Variants in OGDHL observed in about 807,000 individuals in gnomAD.
OGDHL encodes the protein 2-oxoglutarate dehydrogenase-like, mitochondrial.
In OGDHL, 79 loss-of-function variants were observed where a neutral mutation model predicts 109.6. The observed-to-expected ratio is 0.72, with a 90% confidence interval of 0.60 to 0.87. The LOEUF (loss-of-function observed/expected upper bound fraction) is 0.87. Ranked by LOEUF, OGDHL falls within the 40% of genes least tolerant of loss-of-function variation. The pLI is 0.00. For missense variants in OGDHL, 1,275 were observed against 1,362.2 expected, an observed-to-expected ratio of 0.94 and a Z score of 1.01; for synonymous variants, 528 against 537.2, an observed-to-expected ratio of 0.98 and a Z score of 0.24.
chr10:49,759,364 C>A (rs1843125377), intron 1 of OGDHL, among the ~76,000 whole-genome samples: 1 of 152,034 alleles, frequency 6.6e-6, no homozygotes, highest in Non-Finnish European at 1.5e-5. Context: ...AGCTAACAGT[C>A]CAGGCAGGTA....
intron 14 of OGDHL, among the ~76,000 whole-genome samples, 196 bp from the exon 15 acceptor site, chr10:49,743,174 A>C (rs1841919567): frequency 6.6e-6 from 1 of 152,208 alleles, no homozygotes. Context: ...GAGCCTGTGG[A>C]GGGGTGGAGC....
rs760468646 is a variant in OGDHL at position 49,758,462 on chromosome 10, T to C, written c.131A>G (p.Lys44Arg). ...CATGTAACTGGAGCCGCCTCCACCTTTGCTGCTTGGGAAGGTGGCCGGTGG... is the reference window on the plus strand; with the variant it reads ...CATGTAACTGGAGCCGCCTCCACCTCTGCTGCTTGGGAAGGTGGCCGGTGG... ...SGPPATFPSS[K>R]GGGGSSYMEE... is the part of the protein sequence containing the mutation. The change falls in exon 2 of 23, where the codon AAA becomes AGA. Residue 44 changes from lysine (K) to arginine (R), a missense_variant. By Grantham distance (26) the Lys-to-Arg change is conservative. Coordinates refer to ENST00000374103, the MANE Select transcript of OGDHL (RefSeq NM_018245.3). The C allele has an allele frequency of 2.4e-5, 39 of 1,613,796 alleles. No individual in the cohort carries two copies. The highest frequency in any genetic ancestry group is 3.2e-5 in the Non-Finnish European group (38 of 1,180,016).
intron 17 of OGDHL, 101 bp downstream of exon 17, chr10:49,739,560 A>G (rs1422238840): frequency 1.4e-5 from 19 of 1,391,362 alleles, no homozygotes; most frequent in Non-Finnish European, 1.8e-5. Context: ...GGGGCCTGGA[A>G]GGCATATACC....
At chr10:49,749,994 G>A (rs1338509281) in intron 7 of OGDHL, among the ~76,000 whole-genome samples, 178 bp from the exon 8 acceptor site, 3 of 152,138 alleles carry the variant, frequency 2.0e-5, no homozygotes, top group Non-Finnish European at 4.4e-5. Context: ...GAGGCTTAAA[G>A]CCCCATGCTT....
At chr10:49,743,862 C>T (rs1841979733) in intron 14 of OGDHL, 132 bp downstream of exon 14, 1 of 1,143,618 alleles carries the variant, frequency 8.7e-7, no homozygotes, top group South Asian at 1.6e-5. Flanking sequence ...GTGCCGAGAG[C>T]TACGTGGACC....
intron 14 of OGDHL, 31 bp from the exon 15 acceptor site, chr10:49,743,009 A>G: frequency 6.2e-7 from 1 of 1,607,112 alleles, no homozygotes. Context: ...CCTGAGGGCC[A>G]AGGGACAGCC....
Position 49,751,964 on chromosome 10 carries a change from G to A in OGDHL, c.612C>T (p.His204=), listed in dbSNP as rs377540522. Residue 204 remains histidine (H), a synonymous_variant, in exon 6 of 23, where the codon CAC becomes CAT. Coordinates refer to ENST00000374103, the MANE Select transcript of OGDHL (RefSeq NM_018245.3). ...IRRLENTYCQ[H]IGLEFMFIND... ...TGATGAACATGAACTCCAGGCCAAT[G>A]TGCTGGCAGTAGGTGTTCTGGGGAG... 22 of 1,614,084 alleles carry A rather than the reference G, an allele frequency of 1.4e-5. No individual in the cohort carries two copies. The highest frequency in any genetic ancestry group is 1.8e-5 in the Non-Finnish European group (21 of 1,180,050).
intron 3 of OGDHL, 102 bp downstream of exon 3, chr10:49,756,674 T>C: frequency 1.7e-6 from 2 of 1,199,394 alleles, no homozygotes; most frequent in Non-Finnish European, 2.3e-6. Context: ...AGAAGGGCTC[T>C]CTGGGGAGAT....
At chr10:49,740,560 G>T in intron 16 of OGDHL, 150 bp downstream of exon 16, 1 of 970,604 alleles carries the variant, frequency 1.0e-6, no homozygotes, top group Non-Finnish European at 1.5e-6. Flanking sequence ...TTAGGTGAGG[G>T]CAGCCCAATC....
At chr10:49,757,350 G>A (rs1048151596) in intron 2 of OGDHL, among the ~76,000 whole-genome samples, 28 of 152,228 alleles carry the variant, frequency 1.8e-4, no homozygotes, top group Non-Finnish European at 2.9e-5. Flanking sequence ...ACAGGCATTT[G>A]CATGTGTTTT....
Position 49,747,058 on chromosome 10 carries a change from A to G in OGDHL, c.1138T>C (p.Phe380Leu). The change falls in exon 9 of 23, where the codon TTC (phenylalanine) becomes CTC (leucine). Residue 380 changes from phenylalanine (F) to leucine (L), a missense_variant. Phe to Leu is a conservative substitution (Grantham distance 22). Transcript: ENST00000374103. ...TTGCCCTGGGCATCTCCACGGTAGA[A>G]CTGCTCTGCCTTTGTCTTCCCCTGC... ...VVQGKTKAEQFYRGDAQGKKV... is the reference protein window; with the variant it reads ...VVQGKTKAEQLYRGDAQGKKV... The G allele has an allele frequency of 6.2e-7, 1 of 1,614,126 alleles. No homozygotes were observed. Among genetic ancestry groups the G allele is most frequent in the Admixed American group, 1.7e-5 (1 of 60,018 alleles).
At chr10:49,761,553 G>A (rs1843281589) in intron 1 of OGDHL, among the ~76,000 whole-genome samples, 2 of 152,240 alleles carry the variant, frequency 1.3e-5, no homozygotes, top group Non-Finnish European at 2.9e-5. Flanking sequence ...ATTCTATTTA[G>A]TTGGGGCCTG....
At chr10:49,745,298 C>T (rs200330254) in intron 12 of OGDHL, 46 bp downstream of exon 12, 6 of 1,605,332 alleles carry the variant, frequency 3.7e-6, no homozygotes, top group Admixed American at 1.7e-5. Flanking sequence ...CTCCAGGGTC[C>T]CCACCCAAAG....
rs182801852 is a variant in OGDHL, at chr10:49,742,758, G to A, written c.2012+70C>T. 3,860 of 1,535,162 alleles carry A rather than the reference G, an allele frequency of 2.5e-3. 7 individuals are homozygous for A. Among genetic ancestry groups the A allele is most frequent in the Non-Finnish European group, 3.0e-3 (3,413 of 1,141,976 alleles). ...ATCCCACCCCAACAAAGGCCCCCTC[G>A]GGATCCCCAAGCCAGGCCCAGCTTC... On this transcript the variant is annotated intron_variant, in intron 15 of 22. Coordinates refer to ENST00000374103, the MANE Select transcript of OGDHL (RefSeq NM_018245.3).
At chr10:49,738,377 T>TC in intron 17 of OGDHL, 115 bp from the exon 18 acceptor site, 2 of 1,043,122 alleles carry the variant, frequency 1.9e-6, no homozygotes, top group Non-Finnish European at 2.9e-6. Context: ...AGAGGTGCCC[T>TC]CACCCTGGAG....
chr10:49,738,184 C>G lies in OGDHL; in HGVS notation c.2391+7G>C. The G allele has an allele frequency of 6.2e-7, 1 of 1,614,126 alleles. No individual in the cohort carries two copies. The highest frequency in any genetic ancestry group is 1.1e-5 in the South Asian group (1 of 91,068). On this transcript the variant is annotated splice_region_variant and intron_variant, in intron 18 of 22. Coordinates refer to ENST00000374103, the MANE Select transcript of OGDHL (RefSeq NM_018245.3). The stretch of plus-strand genomic sequence containing the variant: ...GTCCCTGTCCTGGGGACAGCAGCAA[C>G]ACTCACAGGGTAGGCATCCGAGTCA...
At chr10:49,756,584 C>G in intron 3 of OGDHL, 192 bp downstream of exon 3, 2 of 520,840 alleles carry the variant, frequency 3.8e-6, no homozygotes, top group Non-Finnish European at 3.3e-6. Context: ...AAAAAAAATT[C>G]AAGCAGGTGG....
intron 3 of OGDHL, among the ~76,000 whole-genome samples, chr10:49,755,812 T>G (rs1387402001): frequency 2.0e-5 from 3 of 152,256 alleles, no homozygotes; most frequent in African/African-American, 7.2e-5. Context: ...CCTGAACGTT[T>G]CCCTGTATTT....
chr10:49,745,674 GCATAAATCT>G, intron 11 of OGDHL, 115 bp downstream of exon 11: 1 of 1,313,748 alleles, frequency 7.6e-7, no homozygotes. Flanking sequence ...GCTCTTGGTG[GCATAAATCT>G]CTCATCCAAG....
Sources: gnomAD v4.1 joint callset for allele counts (sites outside exome capture counted in the v4.1 genomes callset) on GRCh38, gnomAD v4.1.1 for gene constraint, MANE v1.5 for transcripts, NCBI Gene and HGNC (gene_info 2026-07-23, HGNC 2026-07-21) for gene names.